TMPRSS5: variants seen among roughly 807,000 people sequenced by gnomAD.
The protein encoded by TMPRSS5 is transmembrane serine protease 5.
In TMPRSS5, 45 loss-of-function variants were observed where a neutral mutation model predicts 59.7. The ratio of observed to expected loss-of-function variants is 0.75; its 90% CI spans 0.59 to 0.97. The LOEUF is 0.97. Ranked by LOEUF, TMPRSS5 falls within the 50% of genes least tolerant of loss-of-function variation. TMPRSS5 has a pLI of 0.00. For synonymous variants in TMPRSS5, 225 were observed against 232.0 expected (o/e 0.97, Z 0.27); for missense variants, 585 against 596.7 (o/e 0.98, Z 0.20).
At chr11:113,701,537 A>G (rs1010721112) in intron 1 of TMPRSS5, among the ~76,000 whole-genome samples, 6 of 151,886 alleles carry the variant, frequency 4.0e-5, no homozygotes, top group Non-Finnish European at 8.8e-5. Context: ...TGCACACTCA[A>G]AATATTACAT....
intron 9 of TMPRSS5, among the ~76,000 whole-genome samples, chr11:113,692,283 TAA>T (rs1184370699): frequency 6.6e-6 from 1 of 152,194 alleles, no homozygotes; most frequent in Non-Finnish European, 1.5e-5. Context: ...AGGCTACAGG[TAA>T]TGACGGGAGG....
rs1168961395 is a variant in TMPRSS5, at chr11:113,700,053, CAGTCTGG to C, written c.106+6_106+12del. Reference sequence around the variant, plus strand: ...CCCACCCTGTCATTCCCCTATGGCCCAGTCTGGCCTACTGGGATGCTGCTGGTCTCCA... The same window carrying C: ...CCCACCCTGTCATTCCCCTATGGCCCCCTACTGGGATGCTGCTGGTCTCCA... On this transcript the variant is annotated splice_donor_region_variant and intron_variant, in intron 2 of 12. Coordinates refer to ENST00000299882, the MANE Select transcript of TMPRSS5 (RefSeq NM_030770.4). 3.4e-5 allele frequency: 53 copies of C among 1,557,288 alleles called. No individual in the cohort carries two copies. The highest frequency in any genetic ancestry group is 4.6e-5 in the Non-Finnish European group (53 of 1,149,872).
At chr11:113,689,976 A>G in intron 11 of TMPRSS5, 59 bp from the exon 12 acceptor site, 1 of 1,469,190 alleles carries the variant, frequency 6.8e-7, no homozygotes, top group Non-Finnish European at 9.1e-7. Flanking sequence ...CCTGATGGAG[A>G]GCACCAGACC....
chr11:113,698,001 G>A (rs968509654), intron 4 of TMPRSS5, among the ~76,000 whole-genome samples: 1 of 152,104 alleles, frequency 6.6e-6, no homozygotes, highest in African/African-American at 2.4e-5. Context: ...CGAGGGTGAC[G>A]CCCTGATCCA....
intron 2 of TMPRSS5, 79 bp from the exon 3 acceptor site, chr11:113,699,772 G>C: frequency 6.9e-7 from 1 of 1,454,724 alleles, no homozygotes. Context: ...CACCACTATG[G>C]GGCTAGGCAC....
chr11:113,699,270 T>TCCC (rs1385980969), intron 3 of TMPRSS5, among the ~76,000 whole-genome samples: 2 of 55,810 alleles, frequency 3.6e-5, no homozygotes, highest in African/African-American at 2.8e-4. Context: ...TCTCTCTCTC[T>TCCC]CCCTCTCTCT....
intron 7 of TMPRSS5, 125 bp downstream of exon 7, chr11:113,695,275 G>A (rs1952896402): frequency 1.1e-5 from 11 of 974,350 alleles, no homozygotes; most frequent in Non-Finnish European, 1.7e-5. Context: ...CAGGCAGATG[G>A]GCAGGTGGGC....
At chr11:113,704,600 T>C (rs1344542371) in intron 1 of TMPRSS5, among the ~76,000 whole-genome samples, 1 of 152,184 alleles carries the variant, frequency 6.6e-6, no homozygotes, top group African/African-American at 2.4e-5. Flanking sequence ...CGTGCCATAC[T>C]TCAGTGCCTT....
chr11:113,697,112 C>G, intron 5 of TMPRSS5, 141 bp from the exon 6 acceptor site: 2 of 1,230,500 alleles, frequency 1.6e-6, no homozygotes, highest in Non-Finnish European at 2.3e-6. Context: ...ATACTCCAAA[C>G]AGAGAAATGG....
At position 113,687,743 on chromosome 11, in the gene TMPRSS5, G is replaced by A. The variant is rs976951837; in HGVS notation, c.*517C>T. 14 of 153,186 alleles carry A rather than the reference G, an allele frequency of 9.1e-5. No homozygotes were observed. The highest frequency in any genetic ancestry group is 1.5e-4 in the Non-Finnish European group (10 of 68,862). 9.5% of individuals were successfully genotyped at this position (153,186 alleles called of 1,614,324 possible). On this transcript the variant is annotated 3_prime_UTR_variant, in exon 13 of 13. Coordinates refer to ENST00000299882, the MANE Select transcript of TMPRSS5 (RefSeq NM_030770.4). Reference sequence around the variant, plus strand: ...AGTGGAGAGGGTCCTGACTCCCATAGGCTTCATCTGGGCTGGCCCAGCCTT... The same window carrying A: ...AGTGGAGAGGGTCCTGACTCCCATAAGCTTCATCTGGGCTGGCCCAGCCTT...
chr11:113,696,960 T>A lies in TMPRSS5; in HGVS notation c.476A>T (p.His159Leu). The A allele has an allele frequency of 6.4e-7, 1 of 1,574,606 alleles. No individual in the cohort carries two copies. ...WSLGHLRLTH[H>L]KGVNLTDIKL... Reference sequence around the variant, plus strand: ...GATGTCAGTGAGGTTTACTCCCTTGTGGTGAGTGAGTCTTGGCAGAAGAAG... The same window carrying A: ...GATGTCAGTGAGGTTTACTCCCTTGAGGTGAGTGAGTCTTGGCAGAAGAAG... Residue 159 changes from histidine (H) to leucine (L), a missense_variant, in exon 6 of 13, where the codon CAC (histidine) becomes CTC (leucine). His to Leu is a moderately conservative substitution (Grantham distance 99). Transcript: ENST00000299882.
chr11:113,693,231 C>T lies in TMPRSS5; in HGVS notation c.804G>A (p.Leu268=). ...GCCCCGCATGAACCCGCCAGCTGGA[C>T]AGGCGGGCCAGCCTGAAACTGCACA... is the stretch of plus-strand genomic sequence containing the variant. The part of the protein sequence containing the change: ...HCMHSFRLAR[L]SSWRVHAGLV... Residue 268 remains leucine, a synonymous_variant, in exon 9 of 13, where the codon CTG becomes CTA. Coordinates refer to ENST00000299882, the MANE Select transcript of TMPRSS5 (RefSeq NM_030770.4). 1 of 1,568,678 alleles carries T rather than the reference C, an allele frequency of 6.4e-7. No individual in the cohort carries two copies. The highest frequency in any genetic ancestry group is 8.7e-7 in the Non-Finnish European group (1 of 1,155,720).
chr11:113,699,207 GTCTGTCTCTCTCTCTC>G lies in TMPRSS5; in HGVS notation c.206-196_206-181del, dbSNP rs1953022625. 2.4e-3 allele frequency among the ~76,000 whole-genome samples: 111 copies of G among 46,362 alleles called. 15 individuals are homozygous for G. Among genetic ancestry groups the G allele is most frequent in the African/African-American group, 5.2e-3 (42 of 8,034 alleles). The allele number at this position is 46,362 out of a possible 152,430, so 30.4% of individuals were successfully genotyped here. ...CTGCCTCTTTGACTCTCCTTTGTCT[GTCTGTCTCTCTCTCTC>G]TCTCTCTCTCTCTCTCTCTCTCTCT... On this transcript the variant is annotated intron_variant, in intron 3 of 12. Coordinates refer to ENST00000299882, the MANE Select transcript of TMPRSS5 (RefSeq NM_030770.4).
intron 2 of TMPRSS5, 112 bp from the exon 3 acceptor site, chr11:113,699,805 C>G (rs1239388190): frequency 1.4e-5 from 20 of 1,392,168 alleles, no homozygotes; most frequent in East Asian, 2.5e-5. Flanking sequence ...AACAGGACAC[C>G]TCCTCCTGCC....
Position 113,699,203 on chromosome 11 carries a change from GTCTGTCTGTC to G in TMPRSS5, c.206-186_206-177del, listed in dbSNP as rs1565263218. Among the ~76,000 whole-genome samples the G allele has an allele frequency of 2.2e-4, 8 of 36,412 alleles. 2 individuals are homozygous for G. The highest frequency in any genetic ancestry group is 3.2e-4 in the African/African-American group (2 of 6,232). The allele number at this position is 36,412 out of a possible 152,430, so 23.9% of individuals were successfully genotyped here. A position where few individuals can be genotyped will look rare whatever the true frequency, so the allele number is the denominator to read the frequency against. On this transcript the variant is annotated intron_variant, in intron 3 of 12. Coordinates refer to ENST00000299882, the MANE Select transcript of TMPRSS5 (RefSeq NM_030770.4). ...ATCTCTGCCTCTTTGACTCTCCTTT[GTCTGTCTGTC>G]TCTCTCTCTCTCTCTCTCTCTCTCT... is the stretch of plus-strand genomic sequence containing the variant.
At chr11:113,690,092 A>C in intron 11 of TMPRSS5, 139 bp downstream of exon 11, 1 of 1,310,290 alleles carries the variant, frequency 7.6e-7, no homozygotes, top group Non-Finnish European at 1.0e-6. Flanking sequence ...AGACTTGCCT[A>C]GGTGCCCCTC....
chr11:113,688,318 A>G (rs1343584541), intron 12 of TMPRSS5, 44 bp from the exon 13 acceptor site: 2 of 1,383,264 alleles, frequency 1.4e-6, no homozygotes, highest in South Asian at 1.2e-5. Context: ...ATGGCTCTAC[A>G]CTAGCCAAGC....
At chr11:113,690,176 GC>G in intron 11 of TMPRSS5, 54 bp downstream of exon 11, 1 of 388,228 alleles carries the variant, frequency 2.6e-6, no homozygotes, top group Non-Finnish European at 4.2e-6. Flanking sequence ...CAGGCCCCCT[GC>G]CCTCCCACCC....
intron 3 of TMPRSS5, among the ~76,000 whole-genome samples, 170 bp from the exon 4 acceptor site, chr11:113,699,197 T>C (rs1953019221): frequency 6.9e-6 from 1 of 144,544 alleles, no homozygotes; most frequent in South Asian, 2.2e-4. Flanking sequence ...TCTTTGACTC[T>C]CCTTTGTCTG....
Sources: allele counts gnomAD v4.1 joint callset (sites outside exome capture counted in the v4.1 genomes callset), GRCh38; gene constraint gnomAD v4.1.1; transcripts MANE v1.5; gene names NCBI Gene and HGNC (gene_info 2026-07-23, HGNC 2026-07-21).